METTL2B: variants seen among roughly 807,000 people sequenced by gnomAD.
The protein encoded by METTL2B is methyltransferase 2B, tRNA N3-cytidine, also known as tRNA N(3)-cytidine methyltransferase METTL2B.
In METTL2B, 28 loss-of-function variants were observed where a neutral mutation model predicts 51.0. That is an observed-to-expected ratio of 0.55 (90% CI 0.41 to 0.75). The LOEUF (loss-of-function observed/expected upper bound fraction) is 0.75, where lower values mean the gene tolerates loss of function less well. Among genes scored for constraint, METTL2B ranks in the 30% least tolerant of loss-of-function variants. The pLI is 0.00. For missense variants in METTL2B, 313 were observed against 460.7 expected (o/e 0.68, Z 2.93); for synonymous variants, 128 against 166.3 (o/e 0.77, Z 1.77).
chr7:128,481,833 C>G (rs1799876270), intron 4 of METTL2B, among the ~76,000 whole-genome samples: 2 of 152,086 alleles, frequency 1.3e-5, no homozygotes, highest in Admixed American at 1.3e-4. Flanking sequence ...TTTGTAGAGA[C>G]AGGGTCTCAC....
intron 8 of METTL2B, chr7:128,501,309 G>C (rs940103667): frequency 1.9e-5 from 19 of 985,316 alleles, no homozygotes; most frequent in Non-Finnish European, 2.3e-5. Context: ...CCTGGGTCAG[G>C]GTGAACCCTG....
In METTL2B at chr7:128,501,961, G is replaced by C; in HGVS notation, c.*45G>C. On this transcript the variant is annotated 3_prime_UTR_variant, in exon 9 of 9. Transcript: ENST00000262432. ...CGATGCAAGCCCGTTGTGTTTCCGA[G>C]CTTTTTTAAAAAAAAATTTGTAGCA... 1 of 1,604,232 alleles carries C rather than the reference G, an allele frequency of 6.2e-7. No individual in the cohort carries two copies. Among genetic ancestry groups the C allele is most frequent in the South Asian group, 1.1e-5 (1 of 90,246 alleles).
rs1289029679 is a variant in METTL2B at position 128,502,418 on chromosome 7, G to A, written c.*502G>A. On this transcript the variant is annotated 3_prime_UTR_variant, in exon 9 of 9. Coordinates refer to ENST00000262432, the MANE Select transcript of METTL2B (RefSeq NM_018396.3). ...ATTGTAATTGCGTTAAATCTTTTGAGAGTGTAAATGCCGGGCTAGGCAATT... is the reference window on the plus strand; with the variant it reads ...ATTGTAATTGCGTTAAATCTTTTGAAAGTGTAAATGCCGGGCTAGGCAATT... 1 of 303,118 alleles carries A rather than the reference G, an allele frequency of 3.3e-6. No individual in the cohort carries two copies. Among genetic ancestry groups the A allele is most frequent in the East Asian group, 1.2e-4 (1 of 8,404 alleles). 18.8% of individuals were successfully genotyped at this position (303,118 alleles called of 1,614,324 possible).
chr7:128,493,423 G>A (rs1405588981), intron 5 of METTL2B, among the ~76,000 whole-genome samples: 1 of 152,048 alleles, frequency 6.6e-6, no homozygotes, highest in Non-Finnish European at 1.5e-5. Context: ...TGTTGGTCAG[G>A]CTGCTCTCGA....
Position 128,501,309 on chromosome 7 carries a change from G to A in METTL2B, c.982+341G>A, listed in dbSNP as rs940103667. 3.0e-6 allele frequency: 3 copies of A among 985,316 alleles called. No individual in the cohort carries two copies. The East Asian group carries it at 3.4e-4, about 112-fold the overall frequency. The allele number at this position is 985,316 out of a possible 1,614,324, so 61.0% of individuals were successfully genotyped here. Reference sequence around the variant, plus strand: ...TTGTGCTTTGGTGTGCCTGGGTCAGGGTGAACCCTGGGTTCTAGGGGTGCC... The same window carrying A: ...TTGTGCTTTGGTGTGCCTGGGTCAGAGTGAACCCTGGGTTCTAGGGGTGCC... On this transcript the variant is annotated intron_variant, in intron 8 of 8. Transcript: ENST00000262432.
At position 128,502,325 on chromosome 7, in the gene METTL2B, G is replaced by C. The variant is rs913842073; in HGVS notation, c.*409G>C. 5.2e-6 allele frequency: 1 copy of C among 190,850 alleles called. No homozygotes were observed. The highest frequency in any genetic ancestry group is 9.5e-6 in the Non-Finnish European group (1 of 104,866). The allele number at this position is 190,850 out of a possible 1,614,324, so 11.8% of individuals were successfully genotyped here. A position where few individuals can be genotyped will look rare whatever the true frequency, so the allele number is the denominator to read the frequency against. On this transcript the variant is annotated 3_prime_UTR_variant, in exon 9 of 9. Transcript: ENST00000262432. Reference sequence around the variant, plus strand: ...CTAATAACTGAAATTTTATTCAAAGGAATTGTAAACCTTAAACCACCATTT... The same window carrying C: ...CTAATAACTGAAATTTTATTCAAAGCAATTGTAAACCTTAAACCACCATTT...
intron 3 of METTL2B, 126 bp downstream of exon 3, chr7:128,479,639 T>C: frequency 1.9e-6 from 2 of 1,051,726 alleles, no homozygotes; most frequent in East Asian, 2.6e-5. Flanking sequence ...TTGACCCTTA[T>C]ATTAGCCTGG....
At position 128,486,546 on chromosome 7, in the gene METTL2B, G is replaced by C. The variant is rs139861885; in HGVS notation, c.609-1555G>C. Among the ~76,000 whole-genome samples, 30 of 152,074 alleles carry C rather than the reference G, an allele frequency of 2.0e-4. No individual in the cohort carries two copies. In the East Asian group the frequency reaches 5.8e-3, roughly 29 times the overall value. The stretch of plus-strand genomic sequence containing the variant: ...ACCTGGGAGGCAGAGGCTGCAGTGA[G>C]CTGAGATTGTCCCACTGTACTCCAG... On this transcript the variant is annotated intron_variant, in intron 4 of 8. Transcript: ENST00000262432.
Position 128,487,579 on chromosome 7 carries a change from T to C in METTL2B, c.609-522T>C, listed in dbSNP as rs886272817. Among the ~76,000 whole-genome samples, 8 of 152,308 alleles carry C rather than the reference T, an allele frequency of 5.3e-5. No individual in the cohort carries two copies. In the South Asian group the frequency reaches 8.3e-4, roughly 16 times the overall value. On this transcript the variant is annotated intron_variant, in intron 4 of 8. Coordinates refer to ENST00000262432, the MANE Select transcript of METTL2B (RefSeq NM_018396.3). ...ACCAAGAAAAATAAGCACAGGGATT[T>C]TGTGGTGTTCATCTTTATCTCCTCA...
chr7:128,490,007 A>G (rs1474200198), intron 5 of METTL2B, among the ~76,000 whole-genome samples: 1 of 152,208 alleles, frequency 6.6e-6, no homozygotes, highest in African/African-American at 2.4e-5. Flanking sequence ...TCTCTGTAGC[A>G]TGCGATGCTG....
chr7:128,479,091 A>G, intron 2 of METTL2B, 67 bp from the exon 3 acceptor site: 1 of 1,452,520 alleles, frequency 6.9e-7, no homozygotes, highest in Non-Finnish European at 9.3e-7. Context: ...AAGCAGGATA[A>G]TTGACGTTAG....
intron 7 of METTL2B, among the ~76,000 whole-genome samples, chr7:128,498,394 A>G (rs1321955515): frequency 2.0e-5 from 3 of 152,006 alleles, no homozygotes; most frequent in Non-Finnish European, 4.4e-5. Context: ...CCTAATGTAG[A>G]TGACGGGTAG....
chr7:128,494,658 C>T (rs907700620), intron 6 of METTL2B, among the ~76,000 whole-genome samples: 3 of 151,996 alleles, frequency 2.0e-5, no homozygotes, highest in African/African-American at 4.8e-5. Context: ...GACAGAGTCT[C>T]GCCCTGTTGC....
intron 8 of METTL2B, chr7:128,501,245 C>T: frequency 1.0e-6 from 1 of 985,426 alleles, no homozygotes; most frequent in Non-Finnish European, 1.2e-6. Flanking sequence ...CTCTGCAAGG[C>T]TCACCTCCAG....
intron 4 of METTL2B, among the ~76,000 whole-genome samples, chr7:128,487,276 A>C (rs1034725344): frequency 2.0e-5 from 3 of 152,168 alleles, no homozygotes; most frequent in Non-Finnish European, 4.4e-5. Context: ...GCATACTCCC[A>C]AAAATCCCAG....
At chr7:128,476,920 C>G in intron 1 of METTL2B, 45 bp downstream of exon 1, 1 of 1,574,658 alleles carries the variant, frequency 6.4e-7, no homozygotes, top group Non-Finnish European at 8.6e-7. Context: ...GGCCGTCTGT[C>G]CCGCCGCCTC....
intron 5 of METTL2B, among the ~76,000 whole-genome samples, chr7:128,489,456 G>GA (rs920953522): frequency 6.7e-6 from 1 of 150,152 alleles, no homozygotes; most frequent in Non-Finnish European, 1.5e-5. Context: ...AAGGGAGAAA[G>GA]AAAAAAAATA....
intron 2 of METTL2B, 78 bp downstream of exon 2, chr7:128,477,251 C>G (rs1377267749): frequency 3.6e-5 from 56 of 1,577,216 alleles, no homozygotes; most frequent in South Asian, 3.4e-5. Flanking sequence ...GCCAGGGAAC[C>G]GCGGCCGCCC....
intron 4 of METTL2B, among the ~76,000 whole-genome samples, chr7:128,482,004 G>A (rs1052277109): frequency 2.0e-5 from 3 of 152,178 alleles, no homozygotes; most frequent in Admixed American, 6.6e-5. Flanking sequence ...AAAAGGAGAA[G>A]AAGAAAATAG....
Sources: gnomAD v4.1 joint callset for allele counts (sites outside exome capture counted in the v4.1 genomes callset) on GRCh38, gnomAD v4.1.1 for gene constraint, MANE v1.5 for transcripts, NCBI Gene and HGNC (gene_info 2026-07-23, HGNC 2026-07-21) for gene names.